The following SCAF8 variants were observed in gnomAD, a reference collection of about 807,000 sequenced individuals.
SCAF8 encodes the protein SR-related CTD associated factor 8, also known as SR-related and CTD-associated factor 8.
In SCAF8, 23 loss-of-function variants were observed where a neutral mutation model predicts 140.5. The ratio of observed to expected loss-of-function variants is 0.16; its 90% CI spans 0.12 to 0.23. The LOEUF is 0.23. SCAF8 is among the 10% of genes least tolerant of loss of function. The pLI is 1.00. For missense variants in SCAF8, 1,397 were observed against 1,555.7 expected (o/e 0.90, Z 1.72); for synonymous variants, 575 against 528.9 (o/e 1.09, Z -1.20).
rs905985637 is a variant in SCAF8, at chr6:154,789,544, ATTT to A, written c.321+1539_321+1541del. 5.9e-3 allele frequency among the ~76,000 whole-genome samples: 801 copies of A among 136,808 alleles called. 9 individuals carry two copies. The highest frequency in any genetic ancestry group is 0.02 in the African/African-American group (758 of 37,448). The allele number at this position is 136,808 out of a possible 152,430, so 89.8% of individuals were successfully genotyped here. A position where few individuals can be genotyped will look rare whatever the true frequency, so the allele number is the denominator to read the frequency against. On this transcript the variant is annotated intron_variant, in intron 4 of 19. Coordinates refer to ENST00000367178, the MANE Select transcript of SCAF8 (RefSeq NM_014892.5). ...CTGTGCAGGCAAAAGAATGCTTCTA[ATTT>A]TTTTTTTTTTTTTTTTGAGACGGAG... is the stretch of plus-strand genomic sequence containing the variant.
chr6:154,803,035 C>A (rs528124544), intron 7 of SCAF8, among the ~76,000 whole-genome samples: 50 of 152,138 alleles, frequency 3.3e-4, no homozygotes, highest in African/African-American at 1.1e-3. Flanking sequence ...AAAATTTGTA[C>A]TTTTTATAGG....
chr6:154,805,990 C>G (rs2114905694), intron 9 of SCAF8, among the ~76,000 whole-genome samples: 1 of 152,194 alleles, frequency 6.6e-6, no homozygotes, highest in Middle Eastern at 3.4e-3. Context: ...ACATTTAACC[C>G]TCAGGCGATG....
intron 1 of SCAF8, 37 bp downstream of exon 1, chr6:154,733,967 C>T: frequency 5.3e-6 from 8 of 1,504,604 alleles, no homozygotes; most frequent in East Asian, 2.7e-5. Context: ...CTCCTGCCCG[C>T]ACCGCCCCCA....
rs979860570 is a variant in SCAF8 at position 154,733,729 on chromosome 6, C to A, written c.-172C>A. Reference sequence around the variant, plus strand: ...CGGTGCCGCTCTGCCGCTGAGGGAGCCCTTCCCCGCCAGCGCGTGCCCTTC... The same window carrying A: ...CGGTGCCGCTCTGCCGCTGAGGGAGACCTTCCCCGCCAGCGCGTGCCCTTC... On this transcript the variant is annotated 5_prime_UTR_variant, in exon 1 of 20. Transcript: ENST00000367178. The A allele has an allele frequency of 4.1e-5, 55 of 1,325,762 alleles. 1 individual carries two copies. The highest frequency in any genetic ancestry group is 5.8e-6 in the Non-Finnish European group (6 of 1,041,594). 82.1% of individuals were successfully genotyped at this position (1,325,762 alleles called of 1,614,324 possible).
In SCAF8 at chr6:154,795,078, T is replaced by C. The variant is rs1777562193; in HGVS notation, c.545T>C (p.Ile182Thr). The C allele has an allele frequency of 6.2e-7, 1 of 1,613,834 alleles. No homozygotes were observed. The highest frequency in any genetic ancestry group is 2.2e-5 in the East Asian group (1 of 44,832). The stretch of plus-strand genomic sequence containing the variant: ...TTACCTGATCCGTGGGTATCTCAGA[T>C]AACAAATACAGATACACTTGCGGCT... ...QGLPDPWVSQ[I>T]TNTDTLAAVA... is the part of the protein sequence containing the mutation. The change falls in exon 6 of 20, where the codon ATA becomes ACA. Residue 182 changes from isoleucine (I) to threonine (T), a missense_variant. By Grantham distance (89) the Ile-to-Thr change is moderately conservative. Around this residue, in one of 5 missense-constraint regions of SCAF8, gnomAD observed 339 missense variants for 407.5 expected, o/e 0.83. Coordinates refer to ENST00000367178, the MANE Select transcript of SCAF8 (RefSeq NM_014892.5).
chr6:154,760,284 A>G (rs1001678335), intron 1 of SCAF8, among the ~76,000 whole-genome samples: 3 of 152,036 alleles, frequency 2.0e-5, no homozygotes, highest in African/African-American at 7.2e-5. Flanking sequence ...ACAGAGCAAG[A>G]CTCTGTCTCT....
At chr6:154,752,072 T>G (rs9397744) in intron 1 of SCAF8, among the ~76,000 whole-genome samples, 75,699 of 151,984 alleles carry the variant, frequency 0.5, 19,604 homozygotes, top group East Asian at 0.9. Flanking sequence ...TGTTTCTAAT[T>G]TTCACATTTG....
intron 1 of SCAF8, among the ~76,000 whole-genome samples, chr6:154,749,950 G>A (rs1222832731): frequency 1.3e-5 from 2 of 152,094 alleles, no homozygotes; most frequent in African/African-American, 4.8e-5. Flanking sequence ...GGGAGAAGAG[G>A]AAGGGATGAC....
chr6:154,821,050 C>CT (rs1778408025), intron 15 of SCAF8, among the ~76,000 whole-genome samples: 1 of 152,100 alleles, frequency 6.6e-6, no homozygotes, highest in African/African-American at 2.4e-5. Flanking sequence ...CCTGTCAGGC[C>CT]TATTCCTCAC....
intron 4 of SCAF8, among the ~76,000 whole-genome samples, chr6:154,791,884 CTT>C (rs1401724065): frequency 1.1e-4 from 16 of 151,918 alleles, no homozygotes; most frequent in African/African-American, 3.9e-4. Context: ...TGTTGAGACT[CTT>C]TATGAGGAAT....
At chr6:154,767,377 T>A (rs1372268596) in intron 1 of SCAF8, among the ~76,000 whole-genome samples, 1 of 142,952 alleles carries the variant, frequency 7.0e-6, no homozygotes, top group Non-Finnish European at 1.5e-5. Flanking sequence ...CTTTGTGGTA[T>A]TTTTTTTTTT....
chr6:154,804,680 A>T (rs1211170136), intron 8 of SCAF8, among the ~76,000 whole-genome samples: 1 of 152,052 alleles, frequency 6.6e-6, no homozygotes, highest in Non-Finnish European at 1.5e-5. Context: ...CCTTAGGTTT[A>T]TTTGCTTCAG....
At chr6:154,755,309 A>G (rs1778938976) in intron 1 of SCAF8, among the ~76,000 whole-genome samples, 1 of 152,164 alleles carries the variant, frequency 6.6e-6, no homozygotes, top group Non-Finnish European at 1.5e-5. Flanking sequence ...ACTGGCATGC[A>G]GTGGTGTAAT....
At chr6:154,769,355 G>A (rs959003842) in intron 1 of SCAF8, among the ~76,000 whole-genome samples, 1 of 152,122 alleles carries the variant, frequency 6.6e-6, no homozygotes, top group Non-Finnish European at 1.5e-5. Flanking sequence ...GCTACAATAT[G>A]GACTAGTGCT....
intron 1 of SCAF8, 73 bp downstream of exon 1, chr6:154,734,003 G>T: frequency 6.9e-7 from 1 of 1,440,820 alleles, no homozygotes; most frequent in South Asian, 1.5e-5. Flanking sequence ...GGGGCCCGGA[G>T]GGTGGGCGCG....
intron 1 of SCAF8, among the ~76,000 whole-genome samples, chr6:154,746,874 A>G (rs1160737094): frequency 6.6e-6 from 1 of 152,178 alleles, no homozygotes; most frequent in East Asian, 1.9e-4. Context: ...TTTTTTTAGT[A>G]TGTGAAACAT....
intron 4 of SCAF8, among the ~76,000 whole-genome samples, chr6:154,789,660 C>G (rs567385358): frequency 6.6e-6 from 1 of 151,886 alleles, no homozygotes; most frequent in East Asian, 1.9e-4. Flanking sequence ...ATTCTCCTGC[C>G]TCAGCCTCCT....
intron 11 of SCAF8, among the ~76,000 whole-genome samples, chr6:154,809,237 T>G (rs1265466746): frequency 6.6e-6 from 1 of 152,148 alleles, no homozygotes; most frequent in African/African-American, 2.4e-5. Context: ...ACAGTTTTCT[T>G]TATGAGCTTA....
At chr6:154,801,699 G>C (rs553170320) in intron 6 of SCAF8, among the ~76,000 whole-genome samples, 1 of 151,438 alleles carries the variant, frequency 6.6e-6, no homozygotes, top group African/African-American at 2.4e-5. Context: ...TAGTGAAAAA[G>C]GTGTCAGCTT....
Sources: allele counts gnomAD v4.1 joint callset (sites outside exome capture counted in the v4.1 genomes callset), GRCh38; gene constraint gnomAD v4.1.1; regional missense constraint gnomAD v4.1.1; transcripts MANE v1.5; gene names NCBI Gene and HGNC (gene_info 2026-07-23, HGNC 2026-07-21).